The following NFIB variants were observed in gnomAD, a reference collection of about 807,000 sequenced individuals.
NFIB encodes the protein nuclear factor I B, also known as nuclear factor 1 B-type.
A neutral mutation model predicts 61.5 loss-of-function variants in NFIB; 11 were observed. The observed-to-expected ratio is 0.18, with a 90% confidence interval of 0.11 to 0.30. The LOEUF is 0.30. NFIB is among the 10% of genes least tolerant of loss of function. The probability of loss-of-function intolerance (pLI) is 1.00; values close to 1 mark genes in which losing one functional copy is unlikely to be tolerated. For synonymous variants in NFIB, 260 were observed against 216.5 expected, an observed-to-expected ratio of 1.20 and a Z score of -1.76; for missense variants, 471 against 608.9, an observed-to-expected ratio of 0.77 and a Z score of 2.38.
chr9:14,442,599 G>A, the NFIB span, among the ~76,000 whole-genome samples: 1 of 152,120 alleles, frequency 6.6e-6, no homozygotes, highest in Non-Finnish European at 1.5e-5. Context: ...CCAAGCTGCA[G>A]GTTTGCTGGT....
intron 1 of NFIB, among the ~76,000 whole-genome samples, chr9:14,343,581 T>C (rs1248327301): frequency 6.6e-6 from 1 of 152,176 alleles, no homozygotes; most frequent in Non-Finnish European, 1.5e-5. Flanking sequence ...GATTCTTGCC[T>C]TTCCTCCCTT....
At chr9:14,189,683 G>A (rs1353666580) in intron 2 of NFIB, among the ~76,000 whole-genome samples, 1 of 150,636 alleles carries the variant, frequency 6.6e-6, no homozygotes, top group African/African-American at 2.4e-5. Context: ...CTGGGTTAGA[G>A]TGCAACTCTT....
At chr9:14,182,983 G>C (rs1025264486) in intron 2 of NFIB, among the ~76,000 whole-genome samples, 1 of 151,754 alleles carries the variant, frequency 6.6e-6, no homozygotes, top group Admixed American at 6.6e-5. Context: ...ATTAAGCATA[G>C]AGCCACATTT....
intron 1 of NFIB, among the ~76,000 whole-genome samples, chr9:14,342,980 G>A (rs888616752): frequency 2.6e-5 from 4 of 151,934 alleles, no homozygotes; most frequent in Non-Finnish European, 5.9e-5. Context: ...TTAAAGAAAG[G>A]AGGGAAAGAA....
rs570873398 is a variant in NFIB at position 14,204,443 on chromosome 9, CAG to C, written c.563-24665_563-24664del. Reference sequence around the variant, plus strand: ...GCCCCGCTATAGCAGGTTGCAGCGGCAGAGAGTCATCCTCTATAAGCGACTGA... The same window carrying C: ...GCCCCGCTATAGCAGGTTGCAGCGGCAGAGTCATCCTCTATAAGCGACTGA... On this transcript the variant is annotated intron_variant, in intron 2 of 10. Coordinates refer to ENST00000380953, the MANE Select transcript of NFIB (RefSeq NM_001190737.2). The C allele has an allele frequency of 4.8e-5, 53 of 1,095,466 alleles. No individual in the cohort carries two copies. In the Admixed American group the frequency reaches 5.8e-4, roughly 12 times the overall value. 67.9% of individuals were successfully genotyped at this position (1,095,466 alleles called of 1,614,324 possible).
rs561080004 is a variant in NFIB, at chr9:14,268,675, T to C, written c.562+38314A>G. ...GCTCTTTTTATGTATCTGTGTGGCA[T>C]TGTCTACTATCTGTTTCATATGAAT... On this transcript the variant is annotated intron_variant, in intron 2 of 10. Coordinates refer to ENST00000380953, the MANE Select transcript of NFIB (RefSeq NM_001190737.2). 3.3e-5 allele frequency among the ~76,000 whole-genome samples: 5 copies of C among 152,360 alleles called. No individual in the cohort carries two copies. In the South Asian group the frequency reaches 1.0e-3, roughly 32 times the overall value.
At chr9:14,097,612 TAC>T (rs1490729079) in intron 10 of NFIB, among the ~76,000 whole-genome samples, 2 of 152,078 alleles carry the variant, frequency 1.3e-5, no homozygotes, top group African/African-American at 2.4e-5. Flanking sequence ...TGTGGAGATA[TAC>T]ACACACACTA....
chr9:14,374,241 AT>A (rs1432260255), intron 1 of NFIB, among the ~76,000 whole-genome samples: 1 of 151,910 alleles, frequency 6.6e-6, no homozygotes, highest in East Asian at 1.9e-4. Flanking sequence ...ATTTTCTTTT[AT>A]TCAGGCTTTT....
chr9:14,153,780 A>C (rs2043107154), intron 4 of NFIB, among the ~76,000 whole-genome samples: 1 of 152,156 alleles, frequency 6.6e-6, no homozygotes, highest in South Asian at 2.1e-4. Flanking sequence ...GTTGTGCTGA[A>C]GTTTATGTTT....
the NFIB span, among the ~76,000 whole-genome samples, chr9:14,421,307 G>C: frequency 3.9e-5 from 6 of 152,100 alleles, no homozygotes; most frequent in Non-Finnish European, 5.9e-5. Flanking sequence ...GCTCAATACA[G>C]ATTTGTTAAA....
intron 2 of NFIB, among the ~76,000 whole-genome samples, chr9:14,280,509 A>T (rs145871878): frequency 1.3e-5 from 2 of 152,166 alleles, no homozygotes; most frequent in Non-Finnish European, 2.9e-5. Context: ...ACTTATTTTA[A>T]AACTAGATTA....
At chr9:14,241,006 G>A (rs2054287013) in intron 2 of NFIB, among the ~76,000 whole-genome samples, 1 of 152,144 alleles carries the variant, frequency 6.6e-6, no homozygotes, top group South Asian at 2.1e-4. Context: ...TGGTAATTCA[G>A]GGTTTCTTCT....
At position 14,351,496 on chromosome 9, in the gene NFIB, T is replaced by A. The variant is rs114264159; in HGVS notation, c.109-43976A>T. On this transcript the variant is annotated intron_variant, in intron 1 of 8. Coordinates refer to the NFIB transcript ENST00000380934. ...CTCCCCTGTCAGGAAATGATCGTGG[T>A]GCCAACTGCACTCAAGGAACACCTC... 4.1e-3 allele frequency among the ~76,000 whole-genome samples: 632 copies of A among 152,306 alleles called. 2 individuals are homozygous for A. The highest frequency in any genetic ancestry group is 0.014 in the African/African-American group (562 of 41,568).
chr9:14,501,653 T>G, the NFIB span, among the ~76,000 whole-genome samples: 1 of 146,814 alleles, frequency 6.8e-6, no homozygotes, highest in Non-Finnish European at 1.5e-5. Flanking sequence ...GGCCCCCTCA[T>G]TCTACACAGG....
At chr9:14,518,986 C>T in the NFIB span, among the ~76,000 whole-genome samples, 1 of 152,140 alleles carries the variant, frequency 6.6e-6, no homozygotes, top group Non-Finnish European at 1.5e-5. Flanking sequence ...GCCATTATTG[C>T]GCCTGGTACA....
At chr9:14,115,753 C>T (rs2038034746) in intron 9 of NFIB, among the ~76,000 whole-genome samples, 2 of 152,200 alleles carry the variant, frequency 1.3e-5, no homozygotes, top group South Asian at 2.1e-4. Context: ...ATGATGTAAA[C>T]ATGCAATTAC....
chr9:14,412,258 C>A, the NFIB span, among the ~76,000 whole-genome samples: 1 of 152,188 alleles, frequency 6.6e-6, no homozygotes, highest in Non-Finnish European at 1.5e-5. Flanking sequence ...TTCTGAATGG[C>A]AATCACTCAT....
chr9:14,315,556 G>GGC (rs1258791326), upstream of NFIB, among the ~76,000 whole-genome samples: 230 of 143,334 alleles, frequency 1.6e-3, 7 homozygotes, highest in East Asian at 0.038. Context: ...CGGGCCGGCG[G>GGC]GCGCGCGCGC....
chr9:14,088,116 TG>T lies in NFIB; in HGVS notation c.*192del. On this transcript the variant is annotated 3_prime_UTR_variant, in exon 11 of 11. Coordinates refer to ENST00000380953, the MANE Select transcript of NFIB (RefSeq NM_001190737.2). The stretch of plus-strand genomic sequence containing the variant: ...GTTTCTTTCCTTTCTGCCTTTGTGT[TG>T]TTTTGTCCAGTCTTCCTCTTTTCCT... The T allele has an allele frequency of 8.0e-7, 1 of 1,247,762 alleles. No homozygotes were observed. Among genetic ancestry groups the T allele is most frequent in the Non-Finnish European group, 1.0e-6 (1 of 954,776 alleles). The allele number at this position is 1,247,762 out of a possible 1,614,324, so 77.3% of individuals were successfully genotyped here.
Sources: allele counts gnomAD v4.1 joint callset (sites outside exome capture counted in the v4.1 genomes callset), GRCh38; gene constraint gnomAD v4.1.1; transcripts MANE v1.5; gene names NCBI Gene and HGNC (gene_info 2026-07-23, HGNC 2026-07-21).